EGFR: variants seen among roughly 807,000 people sequenced by gnomAD.
EGFR encodes the protein epidermal growth factor receptor.
A neutral mutation model predicts 143.0 loss-of-function variants in EGFR; 58 were observed. The observed-to-expected ratio is 0.41, with a 90% CI of 0.33 to 0.50. The LOEUF is 0.50. Among genes scored for constraint, EGFR ranks in the 20% least tolerant of loss-of-function variants. EGFR has a pLI of 0.39. For missense variants in EGFR, 1,307 were observed against 1,579.0 expected, an observed-to-expected ratio of 0.83 and a Z score of 2.92; for synonymous variants, 613 against 594.4, an observed-to-expected ratio of 1.03 and a Z score of -0.45.
At chr7:55,031,255 C>T (rs1356376571) in intron 1 of EGFR, among the ~76,000 whole-genome samples, 1 of 152,186 alleles carries the variant, frequency 6.6e-6, no homozygotes, top group African/African-American at 2.4e-5. Context: ...TAAACCCTTC[C>T]AGTAAACAGA....
chr7:55,083,496 G>A (rs949743491), intron 1 of EGFR, among the ~76,000 whole-genome samples: 13 of 152,216 alleles, frequency 8.5e-5, no homozygotes, highest in African/African-American at 2.9e-4. Context: ...TTTGGTGAAT[G>A]TCTTATGAGA....
intron 15 of EGFR, among the ~76,000 whole-genome samples, chr7:55,167,800 A>G (rs1300744643): frequency 3.3e-5 from 5 of 152,220 alleles, no homozygotes; most frequent in Non-Finnish European, 7.3e-5. Context: ...TATAATCTCC[A>G]ACAGTGATAT....
chr7:55,149,946 C>T (rs1245266344), intron 4 of EGFR, among the ~76,000 whole-genome samples: 1 of 152,126 alleles, frequency 6.6e-6, no homozygotes, highest in Non-Finnish European at 1.5e-5. Context: ...CCTGTATATA[C>T]ATAGACTTAT....
chr7:55,139,561 T>C (rs771455685), intron 1 of EGFR, among the ~76,000 whole-genome samples: 19 of 152,206 alleles, frequency 1.2e-4, no homozygotes, highest in Non-Finnish European at 2.6e-4. Context: ...CTTATGTGTT[T>C]TCTTTTGATA....
At chr7:55,141,630 T>C (rs1241081783) in intron 1 of EGFR, among the ~76,000 whole-genome samples, 1 of 152,258 alleles carries the variant, frequency 6.6e-6, no homozygotes, top group Non-Finnish European at 1.5e-5. Context: ...ATTTATTCTT[T>C]GATGCATTCA....
chr7:55,157,192 G>A (rs975366422), intron 10 of EGFR, among the ~76,000 whole-genome samples: 4 of 152,242 alleles, frequency 2.6e-5, no homozygotes, highest in African/African-American at 4.8e-5. Flanking sequence ...GTGGGGCCAC[G>A]GGCAAGCCTC....
chr7:55,186,137 G>A (rs529372689), intron 20 of EGFR, among the ~76,000 whole-genome samples: 8 of 152,344 alleles, frequency 5.3e-5, no homozygotes, highest in African/African-American at 1.7e-4. Flanking sequence ...CGAAAACCAC[G>A]CTGACAGATC....
At chr7:55,087,460 C>G (rs1023334850) in intron 1 of EGFR, among the ~76,000 whole-genome samples, 17 of 152,072 alleles carry the variant, frequency 1.1e-4, no homozygotes, top group Non-Finnish European at 1.8e-4. Context: ...AACATTCTAT[C>G]CGGCAGTCTT....
chr7:55,161,967 C>T (rs17290054), intron 13 of EGFR, among the ~76,000 whole-genome samples: 3,030 of 152,244 alleles, frequency 0.02, 89 homozygotes, highest in African/African-American at 0.068. Context: ...TAGCCAACAC[C>T]GTGGCCATTT....
intron 1 of EGFR, among the ~76,000 whole-genome samples, chr7:55,059,802 A>G (rs1789061522): frequency 6.6e-6 from 1 of 152,236 alleles, no homozygotes; most frequent in African/African-American, 2.4e-5. Flanking sequence ...GGAAAAATCA[A>G]TCAGTCTTGC....
chr7:55,155,990 C>G (rs780187141), intron 8 of EGFR, 44 bp downstream of exon 8: 1 of 1,463,782 alleles, frequency 6.8e-7, no homozygotes, highest in Admixed American at 1.8e-5. Flanking sequence ...TTCTCGGCTG[C>G]TGAGGCTGGG....
rs13245120 is a variant in EGFR at position 55,176,337 on chromosome 7, T to C, written c.2283+1517T>C. Among the ~76,000 whole-genome samples the C allele has an allele frequency of 1.7e-3, 261 of 152,284 alleles. 1 individual carries two copies. Among genetic ancestry groups the C allele is most frequent in the Non-Finnish European group, 3.3e-3 (222 of 68,018 alleles). On this transcript the variant is annotated intron_variant, in intron 19 of 27. Coordinates refer to ENST00000275493, the MANE Select transcript of EGFR (RefSeq NM_005228.5). ...ACTGAAAAGTGCCCCCAGGACCTTT[T>C]AATTGGAGGAAATATGCTTCTGTGG...
At chr7:55,095,908 A>T (rs941236518) in intron 1 of EGFR, among the ~76,000 whole-genome samples, 3 of 151,964 alleles carry the variant, frequency 2.0e-5, no homozygotes, top group Non-Finnish European at 4.4e-5. Context: ...ACAGAGAGAC[A>T]TACATACAAT....
chr7:55,165,492 C>G, intron 15 of EGFR, 55 bp downstream of exon 15: 2 of 1,564,044 alleles, frequency 1.3e-6, no homozygotes, highest in Admixed American at 1.9e-5. Context: ...ATTCAGAGAT[C>G]AAAAATGTCT....
Position 55,200,151 on chromosome 7 carries a change from C to T in EGFR, c.2849-165C>T, listed in dbSNP as rs17337444. ...TGCTGGCATGGTCTTTAAACAGTAA[C>T]CAGTACTAGCTGGCCAAGACAGAAA... On this transcript the variant is annotated intron_variant, in intron 23 of 27. Transcript: ENST00000275493. 9.7e-3 allele frequency among the ~76,000 whole-genome samples: 1,482 copies of T among 152,326 alleles called. 22 individuals are homozygous for T. The highest frequency in any genetic ancestry group is 0.031 in the African/African-American group (1,280 of 41,566).
chr7:55,110,566 T>C (rs1219969865), intron 1 of EGFR, among the ~76,000 whole-genome samples: 1 of 152,230 alleles, frequency 6.6e-6, no homozygotes, highest in East Asian at 1.9e-4. Context: ...CATTAAATTA[T>C]TTATAGCTCA....
chr7:55,189,922 T>C (rs140801955), intron 20 of EGFR, among the ~76,000 whole-genome samples: 1,805 of 152,238 alleles, frequency 0.012, 35 homozygotes, highest in Non-Finnish European at 0.013. Flanking sequence ...CCCTTTCGAA[T>C]GGGCAGGAGT....
chr7:55,208,197 C>T lies in EGFR; in HGVS notation c.*2580C>T, dbSNP rs1239968513. 1 of 152,188 alleles carries T rather than the reference C, an allele frequency of 6.6e-6. No individual in the cohort carries two copies. The highest frequency in any genetic ancestry group is 1.5e-5 in the Non-Finnish European group (1 of 68,040). The allele number at this position is 152,188 out of a possible 1,614,324, so 9.4% of individuals were successfully genotyped here. On this transcript the variant is annotated 3_prime_UTR_variant, in exon 28 of 28. Transcript: ENST00000275493. ...CTCACTTCATCTGTCCAGGGAGGCA[C>T]AGTTCTGTCTGGTAGAAGCCGCAAA...
chr7:55,166,694 ATGGTGT>A (rs1562777098), intron 15 of EGFR, among the ~76,000 whole-genome samples: 3 of 61,064 alleles, frequency 4.9e-5, no homozygotes, highest in Non-Finnish European at 1.1e-4. Context: ...GGTGGTGGTG[ATGGTGT>A]TGATGGTGGT....
Sources: allele counts gnomAD v4.1 joint callset (sites outside exome capture counted in the v4.1 genomes callset), GRCh38; gene constraint gnomAD v4.1.1; transcripts MANE v1.5; gene names NCBI Gene and HGNC (gene_info 2026-07-23, HGNC 2026-07-21).